CACUL1: variants seen among roughly 807,000 people sequenced by gnomAD.
CACUL1 encodes CDK2 associated cullin domain 1, also known as CDK2-associated and cullin domain-containing protein 1.
In CACUL1, 13 loss-of-function variants were observed where a neutral mutation model predicts 45.2. That is an observed-to-expected ratio of 0.29 (90% CI 0.19 to 0.46). The LOEUF (loss-of-function observed/expected upper bound fraction) is 0.46, where lower values mean the gene tolerates loss of function less well. Among genes scored for constraint, CACUL1 ranks in the 20% least tolerant of loss-of-function variants. The pLI, the probability that CACUL1 is intolerant of heterozygous loss-of-function variation, is 1.00. For synonymous variants in CACUL1, 197 were observed against 174.2 expected (o/e 1.13, Z -1.03); for missense variants, 421 against 471.4 (o/e 0.89, Z 0.99).
At chr10:118,692,989 C>T (rs1023878407) in intron 6 of CACUL1, 5 of 152,192 alleles carry the variant, frequency 3.3e-5, no homozygotes, top group African/African-American at 1.2e-4. Flanking sequence ...TACAGTGCTA[C>T]AGAGAACCAC....
At chr10:118,750,322 C>CA (rs35127428) in intron 1 of CACUL1, among the ~76,000 whole-genome samples, 12,253 of 135,400 alleles carry the variant, frequency 0.09, 804 homozygotes, top group African/African-American at 0.2. Flanking sequence ...GAGACTGTCT[C>CA]AAAAAAAAAA....
intron 3 of CACUL1, among the ~76,000 whole-genome samples, chr10:118,725,752 T>C (rs1456747135): frequency 6.6e-6 from 1 of 152,232 alleles, no homozygotes; most frequent in Non-Finnish European, 1.5e-5. Context: ...GGCAGCAAGT[T>C]AGATTATGCT....
intron 1 of CACUL1, among the ~76,000 whole-genome samples, chr10:118,752,984 C>T (rs987002556): frequency 6.6e-6 from 1 of 152,080 alleles, no homozygotes; most frequent in African/African-American, 2.4e-5. Flanking sequence ...CTAGCTTACT[C>T]ATCTTTTCAC....
Position 118,690,294 on chromosome 10 carries a change from C to A in CACUL1, c.1025+971G>T, listed in dbSNP as rs111761852. Among the ~76,000 whole-genome samples the A allele has an allele frequency of 9.4e-3, 1,009 of 107,690 alleles. 6 individuals are homozygous for A. The highest frequency in any genetic ancestry group is 0.013 in the Non-Finnish European group (771 of 59,724). The allele number at this position is 107,690 out of a possible 152,430, so 70.6% of individuals were successfully genotyped here. On this transcript the variant is annotated intron_variant, in intron 7 of 8. Transcript: ENST00000369151. ...CCGCAGTCCGGCCTGGGCGACAGAG[C>A]GAGACTCCGTCTCAAAAAAAAAAAA... is the stretch of plus-strand genomic sequence containing the variant.
chr10:118,743,870 A>T (rs911217511), intron 1 of CACUL1, among the ~76,000 whole-genome samples: 2 of 152,212 alleles, frequency 1.3e-5, no homozygotes, highest in Admixed American at 1.3e-4. Flanking sequence ...TAAAATAAAG[A>T]TCTCTGCAGA....
At chr10:118,722,161 G>A (rs1845607301) in intron 3 of CACUL1, among the ~76,000 whole-genome samples, 1 of 150,430 alleles carries the variant, frequency 6.6e-6, no homozygotes, top group Admixed American at 6.6e-5. Context: ...TCGGCTCACT[G>A]CAACCTCCGC....
rs1228262272 is a variant in CACUL1, at chr10:118,701,357, T to G, written c.745A>C (p.Ile249Leu). Reference sequence around the variant, plus strand: ...GCAACATGTTCCGTAAACAGCTTTATAAGGTCATCTTTTAAGTCTCTGTTA... The same window carrying G: ...GCAACATGTTCCGTAAACAGCTTTAGAAGGTCATCTTTTAAGTCTCTGTTA... The part of the protein sequence containing the change: ...KLNRDLKDDL[I>L]KLFTEHVAEK... Residue 249 changes from isoleucine to leucine, a missense_variant, in exon 5 of 9, where the codon ATA (isoleucine) becomes CTA (leucine). Ile to Leu is a conservative substitution (Grantham distance 5). Coordinates refer to ENST00000369151, the MANE Select transcript of CACUL1 (RefSeq NM_153810.5). 1 of 1,581,180 alleles carries G rather than the reference T, an allele frequency of 6.3e-7. No individual in the cohort carries two copies. Among genetic ancestry groups the G allele is most frequent in the East Asian group, 2.3e-5 (1 of 44,310 alleles).
intron 3 of CACUL1, among the ~76,000 whole-genome samples, chr10:118,718,483 C>G (rs1377303348): frequency 4.6e-5 from 7 of 152,358 alleles, no homozygotes; most frequent in South Asian, 2.1e-4. Context: ...TTTATGTAAT[C>G]TGTGTGGCTG....
chr10:118,754,843 C>A lies in CACUL1; in HGVS notation c.-81G>T. The A allele has an allele frequency of 6.8e-7, 1 of 1,480,446 alleles. No individual in the cohort carries two copies. The highest frequency in any genetic ancestry group is 9.0e-7 in the Non-Finnish European group (1 of 1,114,104). The allele number at this position is 1,480,446 out of a possible 1,614,324, so 91.7% of individuals were successfully genotyped here. On this transcript the variant is annotated 5_prime_UTR_variant, in exon 1 of 9. Coordinates refer to ENST00000369151, the MANE Select transcript of CACUL1 (RefSeq NM_153810.5). Reference sequence around the variant, plus strand: ...CCGGGCCAGCGGGCACCGCTGCCTCCCCGAGTTACATCGCCGGCGGCAGGA... The same window carrying A: ...CCGGGCCAGCGGGCACCGCTGCCTCACCGAGTTACATCGCCGGCGGCAGGA...
At position 118,676,615 on chromosome 10, in the gene CACUL1, T is replaced by C. The variant is rs1379699591; in HGVS notation, c.*9513A>G. On this transcript the variant is annotated 3_prime_UTR_variant, in exon 9 of 9. Coordinates refer to ENST00000369151, the MANE Select transcript of CACUL1 (RefSeq NM_153810.5). ...TTACCTTAAGAACATTAAGTTGTTT[T>C]TATAAAGTGTTAAAACTAGGAGTTT... The C allele has an allele frequency of 6.6e-6, 1 of 152,208 alleles. No homozygotes were observed. Among genetic ancestry groups the C allele is most frequent in the Non-Finnish European group, 1.5e-5 (1 of 68,048 alleles). 9.4% of individuals were successfully genotyped at this position (152,208 alleles called of 1,614,324 possible). A position where few individuals can be genotyped will look rare whatever the true frequency, so the allele number is the denominator to read the frequency against.
intron 4 of CACUL1, among the ~76,000 whole-genome samples, chr10:118,702,981 A>T (rs1184147764): frequency 1.3e-5 from 2 of 151,820 alleles, no homozygotes; most frequent in South Asian, 2.1e-4. Flanking sequence ...AATTTAAAAA[A>T]TTTTTTTTGG....
intron 3 of CACUL1, among the ~76,000 whole-genome samples, chr10:118,712,254 C>T (rs1589608897): frequency 6.6e-6 from 1 of 152,326 alleles, no homozygotes; most frequent in South Asian, 2.1e-4. Flanking sequence ...TCGGCTCATG[C>T]TACTGGCCTG....
chr10:118,727,462 T>C (rs1440536267), intron 3 of CACUL1, among the ~76,000 whole-genome samples: 1 of 151,592 alleles, frequency 6.6e-6, no homozygotes. Flanking sequence ...GTTTTAATCA[T>C]TAATAAGAAT....
At position 118,754,637 on chromosome 10, in the gene CACUL1, G is replaced by C. The variant is rs1253058115; in HGVS notation, c.126C>G (p.Pro42=). The part of the protein sequence containing the change: ...FRQPLPPPPP[P]SSIPAPAREP... ...CTCGGGCAGGGGCCGGGATCGACGAGGGGGGCGGCGGAGGTGGCAGGGGCT... is the reference window on the plus strand; with the variant it reads ...CTCGGGCAGGGGCCGGGATCGACGACGGGGGCGGCGGAGGTGGCAGGGGCT... Residue 42 remains proline, a synonymous_variant, in exon 1 of 9, where the codon CCC becomes CCG. Coordinates refer to ENST00000369151, the MANE Select transcript of CACUL1 (RefSeq NM_153810.5). The C allele has an allele frequency of 6.2e-7, 1 of 1,605,920 alleles. No individual in the cohort carries two copies. Among genetic ancestry groups the C allele is most frequent in the African/African-American group, 1.4e-5 (1 of 73,968 alleles).
intron 3 of CACUL1, among the ~76,000 whole-genome samples, chr10:118,715,191 G>A (rs995134705): frequency 1.3e-5 from 2 of 152,028 alleles, no homozygotes; most frequent in Non-Finnish European, 2.9e-5. Context: ...TGAAATCTGC[G>A]AAATACCACT....
chr10:118,738,150 CTG>C (rs1845756640), intron 1 of CACUL1, among the ~76,000 whole-genome samples: 1 of 152,152 alleles, frequency 6.6e-6, no homozygotes, highest in Non-Finnish European at 1.5e-5. Flanking sequence ...AAACCTTGCC[CTG>C]TAGGCCCCTG....
In CACUL1 at chr10:118,680,840, G is replaced by T. The variant is rs1321832206; in HGVS notation, c.*5288C>A. On this transcript the variant is annotated 3_prime_UTR_variant, in exon 9 of 9. Transcript: ENST00000369151. ...GCTAAGTAACTGTGGTAACAGATGTGTGCTCAGTGTGGCTGTCATGTAGGA... is the reference window on the plus strand; with the variant it reads ...GCTAAGTAACTGTGGTAACAGATGTTTGCTCAGTGTGGCTGTCATGTAGGA... 6.6e-6 allele frequency: 1 copy of T among 152,200 alleles called. No individual in the cohort carries two copies. 9.4% of individuals were successfully genotyped at this position (152,200 alleles called of 1,614,324 possible). A position where few individuals can be genotyped will look rare whatever the true frequency, so the allele number is the denominator to read the frequency against.
intron 7 of CACUL1, 74 bp from the exon 8 acceptor site, chr10:118,686,715 A>G (rs1051937272): frequency 4.1e-5 from 43 of 1,054,790 alleles, no homozygotes; most frequent in Non-Finnish European, 5.9e-5. Flanking sequence ...CATATTTGAT[A>G]ATAAAAGTAT....
At position 118,680,863 on chromosome 10, in the gene CACUL1, G is replaced by A. The variant is rs1367729334; in HGVS notation, c.*5265C>T. ...GTGTGCTCAGTGTGGCTGTCATGTA[G>A]GAGGCAATATTAATATGCTATAAGC... On this transcript the variant is annotated 3_prime_UTR_variant, in exon 9 of 9. Transcript: ENST00000369151. 1 of 152,194 alleles carries A rather than the reference G, an allele frequency of 6.6e-6. No homozygotes were observed. Among genetic ancestry groups the A allele is most frequent in the East Asian group, 1.9e-4 (1 of 5,204 alleles). 9.4% of individuals were successfully genotyped at this position (152,194 alleles called of 1,614,324 possible). A position where few individuals can be genotyped will look rare whatever the true frequency, so the allele number is the denominator to read the frequency against.
Sources: allele counts gnomAD v4.1 joint callset (sites outside exome capture counted in the v4.1 genomes callset), GRCh38; gene constraint gnomAD v4.1.1; transcripts MANE v1.5; gene names NCBI Gene and HGNC (gene_info 2026-07-23, HGNC 2026-07-21).